The following MAP3K7CL variants were observed in gnomAD, a reference collection of about 807,000 sequenced individuals.
The protein encoded by MAP3K7CL is MAP3K7 C-terminal like.
Under a neutral mutation model 18.6 loss-of-function variants are expected in MAP3K7CL, and 16 were observed. The ratio of observed to expected loss-of-function variants is 0.86; its 90% CI spans 0.58 to 1.31. The LOEUF is 1.31. Ranked by LOEUF, MAP3K7CL falls within the 50% of genes most tolerant of loss-of-function variation. The pLI is 0.00. For synonymous variants in MAP3K7CL, 65 were observed against 66.8 expected (o/e 0.97, Z 0.13); for missense variants, 163 against 174.4 (o/e 0.93, Z 0.37).
chr21:29,152,876 T>C (rs73348694), intron 3 of MAP3K7CL, among the ~76,000 whole-genome samples: 2,297 of 152,348 alleles, frequency 0.015, 52 homozygotes, highest in African/African-American at 0.052. Context: ...GTGGAAACTT[T>C]TTTTGTTTGT....
At chr21:29,165,686 C>A (rs972632943) in intron 4 of MAP3K7CL, among the ~76,000 whole-genome samples, 2 of 152,216 alleles carry the variant, frequency 1.3e-5, no homozygotes, top group African/African-American at 2.4e-5. Flanking sequence ...ATCCTCCTAC[C>A]TCAGCTCCCC....
intron 4 of MAP3K7CL, among the ~76,000 whole-genome samples, chr21:29,172,620 G>A (rs2087867538): frequency 6.6e-6 from 1 of 151,880 alleles, no homozygotes; most frequent in African/African-American, 2.4e-5. Flanking sequence ...TCCATATTTG[G>A]GTATGCTTTA....
At chr21:29,166,819 C>T (rs1296226663) in intron 4 of MAP3K7CL, among the ~76,000 whole-genome samples, 11 of 152,238 alleles carry the variant, frequency 7.2e-5, no homozygotes, top group African/African-American at 4.8e-5. Flanking sequence ...GACATTTAAT[C>T]GGTTGTTTGC....
intron 4 of MAP3K7CL, among the ~76,000 whole-genome samples, chr21:29,167,757 T>A (rs945868567): frequency 2.8e-5 from 4 of 145,176 alleles, no homozygotes; most frequent in African/African-American, 5.2e-5. Flanking sequence ...TGGAATGCAG[T>A]GGCGCGATCT....
intron 4 of MAP3K7CL, among the ~76,000 whole-genome samples, chr21:29,095,769 A>G (rs1371251115): frequency 6.6e-6 from 1 of 152,182 alleles, no homozygotes; most frequent in African/African-American, 2.4e-5. Flanking sequence ...GAGATTCTGC[A>G]TATCTGAAAA....
upstream of MAP3K7CL, among the ~76,000 whole-genome samples, chr21:29,127,432 G>A (rs912062647): frequency 6.6e-6 from 1 of 152,018 alleles, no homozygotes; most frequent in Non-Finnish European, 1.5e-5. Flanking sequence ...TAGTTATTTT[G>A]GGTTTCAGTT....
At chr21:29,083,854 G>A (rs773035741), upstream of MAP3K7CL, among the ~76,000 whole-genome samples, 3 of 149,632 alleles carry the variant, frequency 2.0e-5, 1 homozygote, top group Non-Finnish European at 3.0e-5. Flanking sequence ...GTGTATATAT[G>A]TGTGTGTGTG....
chr21:29,098,907 C>T (rs910538721), intron 4 of MAP3K7CL, among the ~76,000 whole-genome samples: 2 of 152,070 alleles, frequency 1.3e-5, no homozygotes, highest in Non-Finnish European at 2.9e-5. Flanking sequence ...TATAGCAGTC[C>T]CCTCAGGGTG....
At chr21:29,113,074 C>T (rs77604147) in intron 4 of MAP3K7CL, among the ~76,000 whole-genome samples, 9 of 152,122 alleles carry the variant, frequency 5.9e-5, no homozygotes, top group African/African-American at 9.7e-5. Context: ...GGATTACAGG[C>T]GTGAGCCACT....
chr21:29,148,587 A>G (rs910973804), intron 2 of MAP3K7CL, among the ~76,000 whole-genome samples: 1 of 152,134 alleles, frequency 6.6e-6, no homozygotes, highest in South Asian at 2.1e-4. Context: ...GGCGCTCCCT[A>G]ACAAAGCTGT....
chr21:29,166,121 A>C (rs1243298839), intron 4 of MAP3K7CL, among the ~76,000 whole-genome samples: 1 of 152,192 alleles, frequency 6.6e-6, no homozygotes, highest in African/African-American at 2.4e-5. Context: ...TCTAACTGTA[A>C]CTATGTACTC....
chr21:29,130,481 G>A, upstream of MAP3K7CL: 1 of 488,792 alleles, frequency 2.0e-6, no homozygotes, highest in Non-Finnish European at 2.7e-6. Flanking sequence ...GACACCGATT[G>A]GGTCACGCTG....
chr21:29,140,127 A>G (rs1321485672), intron 2 of MAP3K7CL, among the ~76,000 whole-genome samples: 4 of 152,198 alleles, frequency 2.6e-5, no homozygotes, highest in Non-Finnish European at 5.9e-5. Flanking sequence ...CCTTAAGGGC[A>G]TGGTGGAAGG....
At chr21:29,084,891 A>G (rs1470272481), upstream of MAP3K7CL, among the ~76,000 whole-genome samples, 8 of 152,246 alleles carry the variant, frequency 5.3e-5, no homozygotes, top group Non-Finnish European at 7.3e-5. Context: ...ATGAGTAAGA[A>G]AGTTTATTTA....
intron 1 of MAP3K7CL, among the ~76,000 whole-genome samples, chr21:29,078,631 T>G (rs1388590004): frequency 6.6e-6 from 1 of 152,314 alleles, no homozygotes; most frequent in South Asian, 2.1e-4. Context: ...ACTTCCAATG[T>G]GGGTCAGAAG....
At chr21:29,172,041 A>T (rs1236830963) in intron 4 of MAP3K7CL, among the ~76,000 whole-genome samples, 2 of 151,848 alleles carry the variant, frequency 1.3e-5, no homozygotes. Context: ...TGCCCTAAAC[A>T]CTTCAGTAAG....
At chr21:29,126,921 G>C (rs145688116), upstream of MAP3K7CL, among the ~76,000 whole-genome samples, 79 of 152,244 alleles carry the variant, frequency 5.2e-4, 1 homozygote, top group East Asian at 0.014. Context: ...TAAAATGTTG[G>C]GGAAAATGTC....
chr21:29,156,069 A>C (rs974999864), intron 3 of MAP3K7CL, among the ~76,000 whole-genome samples: 15 of 152,202 alleles, frequency 9.9e-5, no homozygotes, highest in African/African-American at 3.6e-4. Flanking sequence ...GCAATATTTC[A>C]TTCTTTAAGC....
At chr21:29,142,487 A>G (rs573766792) in intron 2 of MAP3K7CL, among the ~76,000 whole-genome samples, 14 of 152,306 alleles carry the variant, frequency 9.2e-5, no homozygotes, top group African/African-American at 3.1e-4. Flanking sequence ...AGAGTCATTG[A>G]CCTTAACCCT....
Sources: allele counts gnomAD v4.1 joint callset (sites outside exome capture counted in the v4.1 genomes callset), GRCh38; gene constraint gnomAD v4.1.1; transcripts MANE v1.5; gene names NCBI Gene and HGNC (gene_info 2026-07-23, HGNC 2026-07-21).